The following TASP1 variants were observed in gnomAD, a reference collection of about 807,000 sequenced individuals.
The protein encoded by TASP1 is threonine aspartase 1.
A neutral mutation model predicts 56.6 loss-of-function variants in TASP1; 16 were observed. The observed-to-expected ratio is 0.28, with a 90% CI of 0.19 to 0.43. The LOEUF (loss-of-function observed/expected upper bound fraction) is 0.43, where lower values mean the gene tolerates loss of function less well. Among genes scored for constraint, TASP1 ranks in the 20% least tolerant of loss-of-function variants. The pLI is 1.00. For synonymous variants in TASP1, 179 were observed against 184.2 expected (o/e 0.97, Z 0.23); for missense variants, 393 against 511.6 (o/e 0.77, Z 2.24).
intron 11 of TASP1, among the ~76,000 whole-genome samples, chr20:13,479,050 A>G (rs1429419474): frequency 6.6e-6 from 1 of 152,156 alleles, no homozygotes; most frequent in Non-Finnish European, 1.5e-5. Flanking sequence ...CTTCTATATA[A>G]TTTTTAAAAT....
chr20:13,236,445 G>A, the TASP1 span, among the ~76,000 whole-genome samples: 1 of 152,022 alleles, frequency 6.6e-6, no homozygotes, highest in Non-Finnish European at 1.5e-5. Flanking sequence ...GATTTGATTG[G>A]GGACACAACC....
chr20:13,536,384 T>G (rs2045417854), intron 8 of TASP1, among the ~76,000 whole-genome samples: 1 of 152,216 alleles, frequency 6.6e-6, no homozygotes, highest in Admixed American at 6.5e-5. Flanking sequence ...TATAAAAGAT[T>G]TAAGTTCTAT....
At chr20:13,350,171 G>C in the TASP1 span, among the ~76,000 whole-genome samples, 1 of 151,924 alleles carries the variant, frequency 6.6e-6, no homozygotes, top group African/African-American at 2.4e-5. Context: ...ATGTAATTAT[G>C]TATACATTTT....
At chr20:13,547,542 G>T (rs968628435) in intron 8 of TASP1, among the ~76,000 whole-genome samples, 4 of 152,156 alleles carry the variant, frequency 2.6e-5, no homozygotes, top group Non-Finnish European at 5.9e-5. Context: ...TTTCAAGAGG[G>T]TTTATAAAAT....
chr20:13,395,294 T>G (rs972977649), intron 13 of TASP1, among the ~76,000 whole-genome samples: 2 of 152,210 alleles, frequency 1.3e-5, no homozygotes, highest in African/African-American at 4.8e-5. Context: ...ATGGGCATTT[T>G]CCTTCCTGGA....
intron 10 of TASP1, among the ~76,000 whole-genome samples, chr20:13,520,886 C>T (rs1266689505): frequency 6.6e-6 from 1 of 151,786 alleles, no homozygotes; most frequent in East Asian, 1.9e-4. Flanking sequence ...TGACAAAGGG[C>T]TAATATCCAG....
chr20:13,484,733 C>CAAAAAA (rs34720600), intron 10 of TASP1, among the ~76,000 whole-genome samples: 4 of 81,148 alleles, frequency 4.9e-5, no homozygotes, highest in African/African-American at 1.3e-4. Context: ...CAAGATTTCT[C>CAAAAAA]AAAAAAAAAA....
the TASP1 span, among the ~76,000 whole-genome samples, chr20:13,364,974 C>G: frequency 0.29 from 44,451 of 151,882 alleles, 7,517 homozygotes; most frequent in African/African-American, 0.46. Flanking sequence ...TATTATGAGT[C>G]AGCAAATGAA....
intron 8 of TASP1, among the ~76,000 whole-genome samples, chr20:13,549,557 G>A (rs2045912895): frequency 6.6e-6 from 1 of 151,964 alleles, no homozygotes; most frequent in African/African-American, 2.4e-5. Flanking sequence ...TCAGGTCATT[G>A]GTGTATGGTG....
chr20:13,446,592 G>A (rs1033349333), intron 11 of TASP1, among the ~76,000 whole-genome samples: 2 of 152,010 alleles, frequency 1.3e-5, no homozygotes, highest in Non-Finnish European at 2.9e-5. Context: ...GTTCCTTGTA[G>A]GCAAAAGCCA....
At chr20:13,140,526 C>T in the TASP1 span, among the ~76,000 whole-genome samples, 1 of 152,098 alleles carries the variant, frequency 6.6e-6, no homozygotes, top group South Asian at 2.1e-4. Flanking sequence ...GAATATGATT[C>T]CGATTAACAT....
the TASP1 span, among the ~76,000 whole-genome samples, chr20:13,359,972 G>C: frequency 6.6e-6 from 1 of 151,864 alleles, no homozygotes; most frequent in Middle Eastern, 3.4e-3. Flanking sequence ...CAGCACACTT[G>C]CCTGTTATCA....
At chr20:13,553,337 A>G (rs1171982508) in intron 8 of TASP1, among the ~76,000 whole-genome samples, 1 of 152,176 alleles carries the variant, frequency 6.6e-6, no homozygotes, top group Non-Finnish European at 1.5e-5. Flanking sequence ...TTCAGCTTGC[A>G]TGGTCACTTT....
chr20:13,505,457 T>G (rs4813132), intron 10 of TASP1, among the ~76,000 whole-genome samples: 91,627 of 151,860 alleles, frequency 0.6, 28,443 homozygotes, highest in Non-Finnish European at 0.68. Context: ...AATATACAGA[T>G]AGCCAGCTCA....
At chr20:13,486,395 A>G (rs954165012) in intron 10 of TASP1, among the ~76,000 whole-genome samples, 1 of 152,238 alleles carries the variant, frequency 6.6e-6, no homozygotes, top group Non-Finnish European at 1.5e-5. Context: ...AAAATTTAGC[A>G]TCAATAAGTA....
the TASP1 span, among the ~76,000 whole-genome samples, chr20:13,221,064 G>A: frequency 6.6e-6 from 1 of 152,094 alleles, no homozygotes; most frequent in South Asian, 2.1e-4. Context: ...TCTGGAACCG[G>A]CCCTCCCCGG....
the TASP1 span, among the ~76,000 whole-genome samples, chr20:13,222,939 G>A: frequency 6.6e-6 from 1 of 152,090 alleles, no homozygotes; most frequent in Non-Finnish European, 1.5e-5. Context: ...GAGGCGGGTG[G>A]ATCACCTCAG....
At chr20:13,438,094 G>C (rs1315200443) in intron 11 of TASP1, among the ~76,000 whole-genome samples, 2 of 151,038 alleles carry the variant, frequency 1.3e-5, no homozygotes, top group South Asian at 4.2e-4. Flanking sequence ...GTAATTTATA[G>C]ATTCAATGCC....
At chr20:13,374,539 G>A in the TASP1 span, among the ~76,000 whole-genome samples, 1 of 151,960 alleles carries the variant, frequency 6.6e-6, no homozygotes, top group Non-Finnish European at 1.5e-5. Flanking sequence ...TAGTAGAGAT[G>A]GGGTTTCACC....
Sources: allele counts gnomAD v4.1 joint callset (sites outside exome capture counted in the v4.1 genomes callset), GRCh38; gene constraint gnomAD v4.1.1; transcripts MANE v1.5; gene names NCBI Gene and HGNC (gene_info 2026-07-23, HGNC 2026-07-21).